ASIC2: variants seen among roughly 807,000 people sequenced by gnomAD.
The protein encoded by ASIC2 is acid sensing ion channel subunit 2, also known as acid-sensing ion channel 2.
In ASIC2, 25 loss-of-function variants were observed where a neutral mutation model predicts 57.3. The ratio of observed to expected loss-of-function variants is 0.44; its 90% CI spans 0.32 to 0.61. The LOEUF (loss-of-function observed/expected upper bound fraction) is 0.61, where lower values mean the gene tolerates loss of function less well. Among genes scored for constraint, ASIC2 ranks in the 20% least tolerant of loss-of-function variants. The pLI, the probability that ASIC2 is intolerant of heterozygous loss-of-function variation, is 0.06. For missense variants in ASIC2, 641 were observed against 738.1 expected (o/e 0.87, Z 1.52); for synonymous variants, 319 against 307.5 (o/e 1.04, Z -0.39).
intron 1 of ASIC2, among the ~76,000 whole-genome samples, chr17:33,165,537 T>A (rs911950819): frequency 6.6e-6 from 1 of 151,986 alleles, no homozygotes; most frequent in African/African-American, 2.4e-5. Context: ...TTTCAAAGAT[T>A]TGTTGAGAGG....
chr17:33,878,444 G>A (rs1434379096), intron 1 of ASIC2, among the ~76,000 whole-genome samples: 1 of 152,104 alleles, frequency 6.6e-6, no homozygotes, highest in Admixed American at 6.5e-5. Flanking sequence ...CATGGCACGA[G>A]AACTATGTGA....
At chr17:33,132,195 TGGCTC>T (rs1338698328) in intron 1 of ASIC2, among the ~76,000 whole-genome samples, 16 of 152,200 alleles carry the variant, frequency 1.1e-4, no homozygotes, top group Non-Finnish European at 1.9e-4. Flanking sequence ...ACATACTATG[TGGCTC>T]AAGGTTATGT....
chr17:33,699,778 T>C (rs56073528), intron 1 of ASIC2, among the ~76,000 whole-genome samples: 25,105 of 152,122 alleles, frequency 0.17, 2,235 homozygotes, highest in African/African-American at 0.24. Context: ...TACAATTTTG[T>C]TATTTCTTAG....
chr17:33,295,575 A>G (rs1905689392), upstream of ASIC2, among the ~76,000 whole-genome samples: 1 of 152,084 alleles, frequency 6.6e-6, no homozygotes, highest in African/African-American at 2.4e-5. Flanking sequence ...GAAGATTGAT[A>G]CCTCTAGGAT....
At chr17:33,853,359 G>A (rs1257149780) in intron 1 of ASIC2, among the ~76,000 whole-genome samples, 1 of 152,190 alleles carries the variant, frequency 6.6e-6, no homozygotes, top group Non-Finnish European at 1.5e-5. Flanking sequence ...ACTGACTTTG[G>A]AGGGAACATC....
intron 1 of ASIC2, among the ~76,000 whole-genome samples, chr17:33,211,277 A>G (rs530641567): frequency 6.6e-6 from 1 of 152,260 alleles, no homozygotes; most frequent in East Asian, 1.9e-4. Context: ...GCATAAGCTC[A>G]GGTGAGCTGT....
At chr17:33,379,249 CTT>C in intron 1 of ASIC2, among the ~76,000 whole-genome samples, 1 of 152,166 alleles carries the variant, frequency 6.6e-6, no homozygotes, top group Admixed American at 6.5e-5. Context: ...GAACAAGTTA[CTT>C]ACTCCTCCTA....
intron 1 of ASIC2, among the ~76,000 whole-genome samples, chr17:33,467,399 T>A (rs548548330): frequency 1.1e-4 from 16 of 152,094 alleles, no homozygotes; most frequent in African/African-American, 3.9e-4. Context: ...AAATTCTAAG[T>A]CCCCCAACCA....
intron 1 of ASIC2, among the ~76,000 whole-genome samples, chr17:33,648,171 C>T (rs1425356817): frequency 2.6e-5 from 4 of 152,186 alleles, no homozygotes; most frequent in African/African-American, 4.8e-5. Flanking sequence ...AGGGAGGCTC[C>T]ATCTGGTGGC....
intron 6 of ASIC2, among the ~76,000 whole-genome samples, chr17:33,022,739 C>CA (rs2141898053): frequency 6.6e-6 from 1 of 152,132 alleles, no homozygotes; most frequent in African/African-American, 2.4e-5. Context: ...CAACAGAGAA[C>CA]AAAAAAGATA....
chr17:33,161,838 A>G (rs1490051161), intron 1 of ASIC2, among the ~76,000 whole-genome samples: 1 of 149,252 alleles, frequency 6.7e-6, no homozygotes, highest in Non-Finnish European at 1.5e-5. Flanking sequence ...TGAATAAGTA[A>G]TAAAGCCAGA....
chr17:33,488,523 G>A (rs1053636729), intron 1 of ASIC2, among the ~76,000 whole-genome samples: 1 of 152,176 alleles, frequency 6.6e-6, no homozygotes, highest in African/African-American at 2.4e-5. Context: ...GTCCTAAAAT[G>A]TGTTTATTTT....
At chr17:33,849,398 A>G (rs1913702896) in intron 1 of ASIC2, among the ~76,000 whole-genome samples, 1 of 152,138 alleles carries the variant, frequency 6.6e-6, no homozygotes, top group Admixed American at 6.5e-5. Context: ...TCCATGTTGC[A>G]ACTGTGGAGA....
At chr17:33,386,280 G>T (rs551580800) in intron 1 of ASIC2, among the ~76,000 whole-genome samples, 1 of 152,214 alleles carries the variant, frequency 6.6e-6, no homozygotes, top group Non-Finnish European at 1.5e-5. Flanking sequence ...TGTCCACTTT[G>T]CTTCTCCATG....
chr17:33,088,773 C>A, intron 3 of ASIC2, 90 bp downstream of exon 3: 1 of 1,451,944 alleles, frequency 6.9e-7, no homozygotes, highest in South Asian at 1.5e-5. Context: ...AGCCCTTGAC[C>A]GAGTGGGAAT....
chr17:33,068,389 T>C (rs2092052790), intron 3 of ASIC2, among the ~76,000 whole-genome samples: 1 of 152,088 alleles, frequency 6.6e-6, no homozygotes, highest in African/African-American at 2.4e-5. Flanking sequence ...CAAAATTAGC[T>C]GGGCATGGTG....
chr17:33,050,244 C>T (rs896541600), intron 3 of ASIC2, among the ~76,000 whole-genome samples: 3 of 152,134 alleles, frequency 2.0e-5, no homozygotes, highest in Non-Finnish European at 2.9e-5. Context: ...AGCTCCCACT[C>T]GCCTCTCAAA....
intron 1 of ASIC2, among the ~76,000 whole-genome samples, chr17:33,725,481 T>C (rs1284785499): frequency 1.3e-5 from 2 of 152,012 alleles, no homozygotes; most frequent in Non-Finnish European, 2.9e-5. Flanking sequence ...CCCAGCTCTA[T>C]TACTTGGTTA....
At chr17:33,398,953 A>G (rs936849948) in intron 1 of ASIC2, among the ~76,000 whole-genome samples, 7 of 152,182 alleles carry the variant, frequency 4.6e-5, no homozygotes, top group African/African-American at 1.4e-4. Flanking sequence ...GGAGTCATAG[A>G]CTGGGACATA....
Sources: gnomAD v4.1 joint callset for allele counts (sites outside exome capture counted in the v4.1 genomes callset) on GRCh38, gnomAD v4.1.1 for gene constraint, MANE v1.5 for transcripts, NCBI Gene and HGNC (gene_info 2026-07-23, HGNC 2026-07-21) for gene names.